The following EDAR variants were observed in gnomAD, a reference collection of about 807,000 sequenced individuals.
EDAR encodes the protein ectodysplasin A receptor, also known as tumor necrosis factor receptor superfamily member EDAR.
In EDAR, 38 loss-of-function variants were observed where a neutral mutation model predicts 51.3. That is an observed-to-expected ratio of 0.74 (90% CI 0.57 to 0.97). EDAR has a LOEUF of 0.97. EDAR is among the 50% of genes least tolerant of loss of function. The pLI, the probability that EDAR is intolerant of heterozygous loss-of-function variation, is 0.00. For synonymous variants in EDAR, 227 were observed against 242.1 expected (o/e 0.94, Z 0.58); for missense variants, 528 against 595.0 (o/e 0.89, Z 1.17).
intron 1 of EDAR, among the ~76,000 whole-genome samples, chr2:108,940,875 C>T (rs1015671898): frequency 2.0e-5 from 3 of 152,138 alleles, no homozygotes; most frequent in African/African-American, 4.8e-5. Flanking sequence ...AAACTAATCA[C>T]GTTTATTGAG....
At chr2:108,950,200 C>T (rs1697795946) in intron 1 of EDAR, among the ~76,000 whole-genome samples, 1 of 150,772 alleles carries the variant, frequency 6.6e-6, no homozygotes, top group South Asian at 2.1e-4. Flanking sequence ...TCCTTCCCTC[C>T]CTACCTCCCT....
rs188237610 is a variant in EDAR, at chr2:108,962,136, C to T, written c.-19+26824G>A. 4.1e-4 allele frequency among the ~76,000 whole-genome samples: 63 copies of T among 152,304 alleles called. No homozygotes were observed. The South Asian group carries it at 8.7e-3, about 21-fold the overall frequency. ...TGAACTCTGGTAGGGTAGCATGTGG[C>T]GCCCTGTCTAGGCAGCCTCTCAGCC... On this transcript the variant is annotated intron_variant, in intron 1 of 11. Transcript: ENST00000258443.
At chr2:108,966,549 G>A (rs1487080676) in intron 1 of EDAR, among the ~76,000 whole-genome samples, 1 of 152,220 alleles carries the variant, frequency 6.6e-6, no homozygotes, top group Non-Finnish European at 1.5e-5. Context: ...AAGACTATGA[G>A]GAAGAGGTCA....
At chr2:108,960,228 C>A (rs1698012710) in intron 1 of EDAR, among the ~76,000 whole-genome samples, 1 of 152,176 alleles carries the variant, frequency 6.6e-6, no homozygotes, top group African/African-American at 2.4e-5. Context: ...CTCTATTTGT[C>A]CACAAGAGCC....
chr2:108,967,448 T>C (rs547614915), intron 1 of EDAR, among the ~76,000 whole-genome samples: 1 of 152,314 alleles, frequency 6.6e-6, no homozygotes, highest in Admixed American at 6.5e-5. Context: ...GGAAGCCTGC[T>C]GTTCTCCAGG....
At chr2:108,960,891 T>C (rs1698025616) in intron 1 of EDAR, among the ~76,000 whole-genome samples, 1 of 152,258 alleles carries the variant, frequency 6.6e-6, no homozygotes, top group South Asian at 2.1e-4. Flanking sequence ...CATGTGGATG[T>C]ACCAAGAGTA....
rs1465002526 is a variant in EDAR at position 108,896,052 on chromosome 2, A to C, written c.*855T>G. On this transcript the variant is annotated 3_prime_UTR_variant, in exon 12 of 12. Transcript: ENST00000258443. Reference sequence around the variant, plus strand: ...TGCCCCTAAAAGGTCAAATCTGCCTAAGACTGAAGTGGAAGGCCATTCACA... The same window carrying C: ...TGCCCCTAAAAGGTCAAATCTGCCTCAGACTGAAGTGGAAGGCCATTCACA... 1 of 152,260 alleles carries C rather than the reference A, an allele frequency of 6.6e-6. No individual in the cohort carries two copies. Among genetic ancestry groups the C allele is most frequent in the African/African-American group, 2.4e-5 (1 of 41,476 alleles). 9.4% of individuals were successfully genotyped at this position (152,260 alleles called of 1,614,324 possible).
At chr2:108,971,626 G>C (rs1191929818) in intron 1 of EDAR, among the ~76,000 whole-genome samples, 1 of 152,180 alleles carries the variant, frequency 6.6e-6, no homozygotes, top group Admixed American at 6.5e-5. Context: ...ATTAGAGATA[G>C]GATCAGCTCT....
At chr2:108,922,974 G>A (rs749810) in intron 5 of EDAR, among the ~76,000 whole-genome samples, 27,233 of 152,166 alleles carry the variant, frequency 0.18, 5,218 homozygotes, top group African/African-American at 0.48. Context: ...TGGCCTCACT[G>A]TCACCTAGCA....
At chr2:108,898,665 A>G (rs1293865780) in intron 11 of EDAR, among the ~76,000 whole-genome samples, 1 of 152,228 alleles carries the variant, frequency 6.6e-6, no homozygotes, top group Admixed American at 6.5e-5. Context: ...AAGAATTCAT[A>G]ATAAAAGTGC....
chr2:108,960,591 T>C (rs1048931634), intron 1 of EDAR, among the ~76,000 whole-genome samples: 2 of 152,200 alleles, frequency 1.3e-5, no homozygotes, highest in Non-Finnish European at 2.9e-5. Flanking sequence ...CTGTCACTGA[T>C]AGGTTTTTAC....
At chr2:108,906,234 C>T in intron 11 of EDAR, 74 bp downstream of exon 11, 5 of 1,545,864 alleles carry the variant, frequency 3.2e-6, no homozygotes, top group Non-Finnish European at 4.5e-6. Context: ...TCACAGGAGC[C>T]TCAGGGCTCC....
chr2:108,947,941 G>A (rs879767889), intron 1 of EDAR, among the ~76,000 whole-genome samples: 42 of 152,300 alleles, frequency 2.8e-4, no homozygotes, highest in Admixed American at 1.2e-3. Context: ...TAGTTAGGTT[G>A]CAAATTTTCC....
intron 1 of EDAR, among the ~76,000 whole-genome samples, chr2:108,967,695 A>G (rs936650557): frequency 1.3e-5 from 2 of 152,078 alleles, no homozygotes; most frequent in Admixed American, 6.6e-5. Context: ...TCATAAACCA[A>G]TTTCTTTTCC....
intron 1 of EDAR, among the ~76,000 whole-genome samples, chr2:108,958,414 A>C (rs1264462121): frequency 1.3e-5 from 2 of 151,358 alleles, no homozygotes; most frequent in Non-Finnish European, 2.9e-5. Flanking sequence ...AGCAGGAAAA[A>C]AAAAACAAAA....
intron 11 of EDAR, among the ~76,000 whole-genome samples, chr2:108,897,770 C>T (rs575499631): frequency 6.6e-6 from 1 of 152,344 alleles, no homozygotes; most frequent in Non-Finnish European, 1.5e-5. Flanking sequence ...CATTTAAAAA[C>T]TTGATATTGC....
chr2:108,928,530 T>C (rs1382647579), intron 4 of EDAR, among the ~76,000 whole-genome samples: 1 of 152,202 alleles, frequency 6.6e-6, no homozygotes, highest in African/African-American at 2.4e-5. Flanking sequence ...ACACCACCAC[T>C]GCTTTTATCT....
At position 108,896,914 on chromosome 2, in the gene EDAR, G is replaced by A; in HGVS notation, c.1340C>T (p.Ala447Val). Residue 447 changes from alanine to valine, a missense_variant, in exon 12 of 12, where the codon GCA (alanine) becomes GTA (valine). By Grantham distance (64) the Ala-to-Val change is moderately conservative (BLOSUM62 0). Coordinates refer to ENST00000258443, the MANE Select transcript of EDAR (RefSeq NM_022336.4). ...VVPPASQPHA[A>V]S Reference sequence around the variant, plus strand: ...AGCCCACAGGCATGCTTTTCAGGATGCAGCATGTGGCTGGGAGGCAGGTGG... The same window carrying A: ...AGCCCACAGGCATGCTTTTCAGGATACAGCATGTGGCTGGGAGGCAGGTGG... The A allele has an allele frequency of 2.5e-6, 4 of 1,611,696 alleles. No homozygotes were observed. The highest frequency in any genetic ancestry group is 3.4e-6 in the Non-Finnish European group (4 of 1,179,062).
intron 1 of EDAR, among the ~76,000 whole-genome samples, chr2:108,970,475 A>G (rs1250233654): frequency 1.3e-5 from 2 of 152,132 alleles, no homozygotes; most frequent in Non-Finnish European, 2.9e-5. Context: ...ACTGAGACAC[A>G]AGGAGGGCAG....
Sources: gnomAD v4.1 joint callset for allele counts (sites outside exome capture counted in the v4.1 genomes callset) on GRCh38, gnomAD v4.1.1 for gene constraint, MANE v1.5 for transcripts, NCBI Gene and HGNC (gene_info 2026-07-23, HGNC 2026-07-21) for gene names.